AP4E1: variants seen among roughly 807,000 people sequenced by gnomAD.
The protein encoded by AP4E1 is adaptor related protein complex 4 subunit epsilon 1.
AP4E1 carries 56 observed loss-of-function variants against 128.2 expected under a neutral mutation model. The ratio of observed to expected loss-of-function variants is 0.44; its 90% CI spans 0.35 to 0.55. The LOEUF (loss-of-function observed/expected upper bound fraction) is 0.55, where lower values mean the gene tolerates loss of function less well. AP4E1 is among the 20% of genes least tolerant of loss of function. The pLI is 0.00. For synonymous variants in AP4E1, 484 were observed against 473.1 expected (o/e 1.02, Z -0.30); for missense variants, 1,324 against 1,307.7 (o/e 1.01, Z -0.19).
intron 16 of AP4E1, among the ~76,000 whole-genome samples, chr15:50,986,748 G>A (rs1321154768): frequency 1.3e-5 from 2 of 152,170 alleles, no homozygotes; most frequent in Non-Finnish European, 2.9e-5. Flanking sequence ...ATGTTCATCA[G>A]GGATATTGGT....
intron 15 of AP4E1, among the ~76,000 whole-genome samples, chr15:50,978,368 AT>A (rs2064587187): frequency 1.3e-5 from 2 of 152,208 alleles, no homozygotes; most frequent in Non-Finnish European, 2.9e-5. Context: ...AAAAAATAAA[AT>A]AACAATAATC....
At chr15:50,972,243 G>A (rs1218384905) in intron 15 of AP4E1, among the ~76,000 whole-genome samples, 1 of 151,698 alleles carries the variant, frequency 6.6e-6, no homozygotes, top group African/African-American at 2.4e-5. Context: ...AAGGAGTCTC[G>A]CTCTGTCATC....
chr15:50,936,173 A>AG (rs1218984039), intron 8 of AP4E1, among the ~76,000 whole-genome samples: 3 of 152,188 alleles, frequency 2.0e-5, no homozygotes, highest in African/African-American at 7.2e-5. Flanking sequence ...TGCAGGAATA[A>AG]GGGGTCACAG....
chr15:50,909,060 G>C lies in AP4E1; in HGVS notation c.150+132G>C, dbSNP rs564417009. 3 of 1,408,522 alleles carry C rather than the reference G, an allele frequency of 2.1e-6. No individual in the cohort carries two copies. In the East Asian group the frequency reaches 7.4e-5, roughly 35 times the overall value. The allele number at this position is 1,408,522 out of a possible 1,614,324, so 87.3% of individuals were successfully genotyped here. On this transcript the variant is annotated intron_variant, in intron 1 of 20. Transcript: ENST00000261842. ...GGCGGGGCTCAGGGGCTGCTGTGTC[G>C]GTTCGTCCTTTCGTCTGCCTGGAAG...
chr15:50,929,218 C>T (rs769734233), intron 6 of AP4E1, 50 bp downstream of exon 6: 40 of 1,557,710 alleles, frequency 2.6e-5, no homozygotes, highest in Non-Finnish European at 3.2e-5. Flanking sequence ...TAGAAAAATA[C>T]AATTATGGAA....
intron 8 of AP4E1, among the ~76,000 whole-genome samples, chr15:50,937,714 G>A (rs1231760294): frequency 6.6e-6 from 1 of 152,186 alleles, no homozygotes; most frequent in East Asian, 1.9e-4. Context: ...TAGGCAGAAG[G>A]GAGATTGAAG....
intron 19 of AP4E1, among the ~76,000 whole-genome samples, chr15:51,000,055 C>G (rs918289427): frequency 2.6e-5 from 4 of 151,494 alleles, no homozygotes; most frequent in African/African-American, 7.3e-5. Flanking sequence ...ACCCAGAATG[C>G]AGAATACCGA....
At chr15:50,928,831 C>T (rs926448700) in intron 5 of AP4E1, among the ~76,000 whole-genome samples, 178 bp from the exon 6 acceptor site, 2 of 151,058 alleles carry the variant, frequency 1.3e-5, no homozygotes, top group Non-Finnish European at 2.9e-5. Context: ...CTAGAGGTAA[C>T]CACTTTTTAT....
chr15:50,934,685 A>G lies in AP4E1; in HGVS notation c.931A>G (p.Asn311Asp). The G allele has an allele frequency of 6.2e-7, 1 of 1,601,480 alleles. No individual in the cohort carries two copies. Among genetic ancestry groups the G allele is most frequent in the Non-Finnish European group, 8.6e-7 (1 of 1,168,966 alleles). Residue 311 changes from asparagine (N) to aspartate (D), a missense_variant, in exon 8 of 21, where the codon AAT becomes GAT. Physicochemically the swap from Asn to Asp is conservative, Grantham distance 23 (BLOSUM62 1). Coordinates refer to ENST00000261842, the MANE Select transcript of AP4E1 (RefSeq NM_007347.5). The stretch of plus-strand genomic sequence containing the variant: ...CTTACGAAGAGCTGAGTTAAATCAC[A>G]ATGTCACATATGGTAGGTAATATAT... ...ESLRRAELNH[N>D]VTYAILFECV... is the part of the protein sequence containing the mutation.
At chr15:50,921,305 T>G (rs553370147) in intron 3 of AP4E1, among the ~76,000 whole-genome samples, 3 of 152,190 alleles carry the variant, frequency 2.0e-5, no homozygotes. Flanking sequence ...TAAAGTTAGG[T>G]GTTAAGTGCT....
At chr15:50,999,369 T>G (rs1428508253) in intron 19 of AP4E1, 107 bp downstream of exon 19, 2 of 939,790 alleles carry the variant, frequency 2.1e-6, no homozygotes, top group Non-Finnish European at 1.6e-6. Flanking sequence ...GTATAACAGT[T>G]AAAAACTACG....
chr15:50,996,968 A>G (rs560975881), intron 17 of AP4E1, among the ~76,000 whole-genome samples: 3 of 152,348 alleles, frequency 2.0e-5, no homozygotes, highest in East Asian at 1.9e-4. Flanking sequence ...CAGAACAACT[A>G]TGGCAACTCA....
In AP4E1 at chr15:50,923,960, G is replaced by A. The variant is rs1169102633; in HGVS notation, c.376G>A (p.Glu126Lys). 2.5e-6 allele frequency: 4 copies of A among 1,611,942 alleles called. No individual in the cohort carries two copies. Among genetic ancestry groups the A allele is most frequent in the Non-Finnish European group, 3.4e-6 (4 of 1,178,590 alleles). The change falls in exon 4 of 21, where the codon GAA (glutamate) becomes AAA (lysine). Residue 126 changes from glutamate (E) to lysine (K), a missense_variant. Coordinates refer to ENST00000261842, the MANE Select transcript of AP4E1 (RefSeq NM_007347.5). ...GYLAVSLFLH[E>K]SHELLLLLVN... ...TTTGGCTGTTTCCTTATTTCTACAT[G>A]AAAGTCATGAATTATTGCTTCTCCT...
Position 50,972,323 on chromosome 15 carries a change from C to T in AP4E1, c.1966+3946C>T, listed in dbSNP as rs2064491160. Among the ~76,000 whole-genome samples, 3 of 152,112 alleles carry T rather than the reference C, an allele frequency of 2.0e-5. No homozygotes were observed. In the South Asian group the frequency reaches 6.2e-4, roughly 32 times the overall value. ...GTCTCCCAGGTTCAAGCAATTCTCCCATCTCAGCCTCCCAAGTAGCTGGGA... is the reference window on the plus strand; with the variant it reads ...GTCTCCCAGGTTCAAGCAATTCTCCTATCTCAGCCTCCCAAGTAGCTGGGA... On this transcript the variant is annotated intron_variant, in intron 15 of 20. Coordinates refer to ENST00000261842, the MANE Select transcript of AP4E1 (RefSeq NM_007347.5).
chr15:50,960,525 A>G (rs1248752722), intron 14 of AP4E1, among the ~76,000 whole-genome samples: 2 of 152,154 alleles, frequency 1.3e-5, no homozygotes, highest in Non-Finnish European at 2.9e-5. Context: ...CTGAGTGATG[A>G]TTAGGTCAGT....
At position 51,002,748 on chromosome 15, in the gene AP4E1, C is replaced by G; in HGVS notation, c.*86C>G. On this transcript the variant is annotated 3_prime_UTR_variant, in exon 21 of 21. Transcript: ENST00000261842. The stretch of plus-strand genomic sequence containing the variant: ...ACCAAAGTAAAAAGAACTCATGGTA[C>G]TTCTAATGAAAATGGGGATTATTAC... 6.7e-7 allele frequency: 1 copy of G among 1,487,390 alleles called. No homozygotes were observed. The highest frequency in any genetic ancestry group is 1.2e-5 in the South Asian group (1 of 85,936). The allele number at this position is 1,487,390 out of a possible 1,614,324, so 92.1% of individuals were successfully genotyped here. A position where few individuals can be genotyped will look rare whatever the true frequency, so the allele number is the denominator to read the frequency against.
chr15:50,949,720 C>A, intron 11 of AP4E1, 106 bp from the exon 12 acceptor site: 1 of 854,780 alleles, frequency 1.2e-6, no homozygotes, highest in Non-Finnish European at 2.0e-6. Context: ...AAAGGTAAAA[C>A]TGCCATACTA....
chr15:50,980,813 G>C (rs1000382066), intron 15 of AP4E1, among the ~76,000 whole-genome samples: 3 of 152,156 alleles, frequency 2.0e-5, no homozygotes, highest in South Asian at 2.1e-4. Flanking sequence ...GGTGTGGCTT[G>C]ACCTGCTACT....
chr15:50,997,438 C>A lies in AP4E1; in HGVS notation c.2459C>A (p.Ser820Tyr). 2 of 1,613,678 alleles carry A rather than the reference C, an allele frequency of 1.2e-6. No individual in the cohort carries two copies. Among genetic ancestry groups the A allele is most frequent in the Non-Finnish European group, 1.7e-6 (2 of 1,179,812 alleles). ...THNMTCSSFS[S>Y]LSNVAYEDDY... is the part of the protein sequence containing the mutation. ...AATATGACCTGTTCTTCCTTTAGTT[C>A]TTTGTCAAATGTGGCATATGAAGAT... is the stretch of plus-strand genomic sequence containing the variant. Residue 820 changes from serine (S) to tyrosine (Y), a missense_variant, in exon 18 of 21, where the codon TCT (serine) becomes TAT (tyrosine). By Grantham distance (144) the Ser-to-Tyr change is moderately radical. Transcript: ENST00000261842.
Sources: gnomAD v4.1 joint callset for allele counts (sites outside exome capture counted in the v4.1 genomes callset) on GRCh38, gnomAD v4.1.1 for gene constraint, MANE v1.5 for transcripts, NCBI Gene and HGNC (gene_info 2026-07-23, HGNC 2026-07-21) for gene names.